Variants in FREM2 observed in about 807,000 individuals in gnomAD.
The protein encoded by FREM2 is FRAS1 related extracellular matrix 2, also known as FRAS1-related extracellular matrix protein 2.
FREM2 carries 119 observed loss-of-function variants against 219.9 expected under a neutral mutation model. The ratio of observed to expected loss-of-function variants is 0.54; its 90% CI spans 0.47 to 0.63. The LOEUF (loss-of-function observed/expected upper bound fraction) is 0.63. Ranked by LOEUF, FREM2 falls within the 30% of genes least tolerant of loss-of-function variation. The pLI, the probability that FREM2 is intolerant of heterozygous loss-of-function variation, is 0.00. For synonymous variants in FREM2, 1,562 were observed against 1,522.8 expected, an observed-to-expected ratio of 1.03 and a Z score of -0.60; for missense variants, 4,030 against 3,993.6, an observed-to-expected ratio of 1.01 and a Z score of -0.25.
chr13:38,778,896 G>T lies in FREM2; in HGVS notation c.5642-4174G>T, dbSNP rs142412301. 5.8e-3 allele frequency among the ~76,000 whole-genome samples: 883 copies of T among 152,120 alleles called. 9 individuals are homozygous for T. Among genetic ancestry groups the T allele is most frequent in the African/African-American group, 0.02 (832 of 41,494 alleles). On this transcript the variant is annotated intron_variant, in intron 4 of 23. Transcript: ENST00000280481. ...AGACTGCCAAAATCTAGGTGATACC[G>T]GAGCACATTTCCATAAGTTAATGAA...
At chr13:38,845,076 C>T (rs771171583) in intron 6 of FREM2, among the ~76,000 whole-genome samples, 11 of 152,064 alleles carry the variant, frequency 7.2e-5, no homozygotes, top group South Asian at 4.1e-4. Context: ...TTATCACCCC[C>T]GAACCAAAAT....
chr13:38,855,985 C>T (rs1320679505), intron 11 of FREM2, 141 bp from the exon 12 acceptor site: 1 of 578,088 alleles, frequency 1.7e-6, no homozygotes, highest in Admixed American at 3.2e-5. Context: ...TTTCATTTTA[C>T]ACACACACCC....
intron 22 of FREM2, among the ~76,000 whole-genome samples, 184 bp downstream of exon 22, chr13:38,878,505 C>A (rs1237077064): frequency 6.6e-6 from 1 of 150,912 alleles, no homozygotes; most frequent in Non-Finnish European, 1.5e-5. Context: ...TAGTGAGACC[C>A]CATCTCTACA....
chr13:38,759,217 C>A (rs1483844172), intron 2 of FREM2, among the ~76,000 whole-genome samples: 2 of 152,020 alleles, frequency 1.3e-5, no homozygotes, highest in African/African-American at 4.8e-5. Context: ...TTATTCTGGG[C>A]AAATGAGATT....
At chr13:38,828,543 AC>A (rs1380772343) in intron 6 of FREM2, among the ~76,000 whole-genome samples, 2 of 151,968 alleles carry the variant, frequency 1.3e-5, no homozygotes, top group Non-Finnish European at 2.9e-5. Context: ...CCCCAGCTAT[AC>A]AAAAATAAAA....
chr13:38,695,470 G>T (rs1870071244), intron 1 of FREM2, among the ~76,000 whole-genome samples: 1 of 152,106 alleles, frequency 6.6e-6, no homozygotes, highest in South Asian at 2.1e-4. Context: ...TTGAAGTGAG[G>T]ATTTATTTCA....
intron 3 of FREM2, among the ~76,000 whole-genome samples, chr13:38,766,242 G>A (rs2137811302): frequency 6.6e-6 from 1 of 151,868 alleles, no homozygotes; most frequent in East Asian, 1.9e-4. Context: ...TCTTAAGCTG[G>A]ATGCCAAAAT....
rs755834523 is a variant in FREM2, at chr13:38,689,897, G to A, written c.2553G>A (p.Glu851=). ...GTCACCACATCCTGAGTGAGACAGA[G>A]TTGCACGTGAATGATGTAGACACTG... ...EKGHHILSET[E]LHVNDVDTDV... The change falls in exon 1 of 24, where the codon GAG becomes GAA. Residue 851 remains glutamate, a synonymous_variant. Transcript: ENST00000280481. 1.1e-5 allele frequency: 17 copies of A among 1,614,066 alleles called. No homozygotes were observed. The highest frequency in any genetic ancestry group is 2.7e-5 in the African/African-American group (2 of 74,924).
chr13:38,726,967 G>A (rs971209789), intron 2 of FREM2, among the ~76,000 whole-genome samples: 1 of 152,140 alleles, frequency 6.6e-6, no homozygotes, highest in Admixed American at 6.6e-5. Flanking sequence ...AATTAAATTG[G>A]TTGAAATGAA....
In FREM2 at chr13:38,861,368, A is replaced by C; in HGVS notation, c.7520-63A>C. ...AAAATAATAGCTCCTATTTTCTAAA[A>C]CATTCTTTAGGTATTATTGATTACC... is the stretch of plus-strand genomic sequence containing the variant. On this transcript the variant is annotated intron_variant, in intron 14 of 23. Transcript: ENST00000280481. 3 of 1,548,522 alleles carry C rather than the reference A, an allele frequency of 1.9e-6. No homozygotes were observed. The South Asian group carries it at 3.4e-5, about 17-fold the overall frequency.
chr13:38,732,523 C>T (rs1292254922), intron 2 of FREM2, among the ~76,000 whole-genome samples: 1 of 152,124 alleles, frequency 6.6e-6, no homozygotes, highest in African/African-American at 2.4e-5. Context: ...TTTACTAGCT[C>T]CATATGTGAT....
intron 7 of FREM2, 126 bp from the exon 8 acceptor site, chr13:38,848,335 C>A: frequency 1.3e-6 from 1 of 751,034 alleles, no homozygotes; most frequent in South Asian, 1.5e-5. Context: ...ATGTACTTTT[C>A]TGTAGAGTTA....
intron 2 of FREM2, among the ~76,000 whole-genome samples, chr13:38,723,106 C>T (rs544506570): frequency 3.3e-5 from 5 of 151,722 alleles, no homozygotes; most frequent in Non-Finnish European, 5.9e-5. Flanking sequence ...GTGGTGGTGC[C>T]CACCTGTAAT....
At chr13:38,725,601 A>G (rs148305032) in intron 2 of FREM2, among the ~76,000 whole-genome samples, 1 of 152,308 alleles carries the variant, frequency 6.6e-6, no homozygotes, top group East Asian at 1.9e-4. Context: ...GAACTGAGAA[A>G]AACCCAGTGC....
intron 4 of FREM2, among the ~76,000 whole-genome samples, chr13:38,777,468 A>T (rs1351844172): frequency 6.6e-6 from 1 of 152,196 alleles, no homozygotes; most frequent in African/African-American, 2.4e-5. Context: ...ATCACCACCT[A>T]CCAACCTAAC....
chr13:38,857,828 A>G (rs748620220), intron 12 of FREM2, 47 bp from the exon 13 acceptor site: 10 of 1,537,028 alleles, frequency 6.5e-6, no homozygotes, highest in Non-Finnish European at 9.0e-7. Flanking sequence ...AGAAGCATCA[A>G]AAGTTTAATA....
rs116144150 is a variant in FREM2, at chr13:38,689,035, A to C, written c.1691A>C (p.Asn564Thr). ...GTGGATGACCAGCCACCTGTTCTCAATGCCAACACGGGGCTGACACTGGCA... is the reference window on the plus strand; with the variant it reads ...GTGGATGACCAGCCACCTGTTCTCACTGCCAACACGGGGCTGACACTGGCA... ...VPVDDQPPVL[N>T]ANTGLTLAEG... The change falls in exon 1 of 24, where the codon AAT becomes ACT. Residue 564 changes from asparagine to threonine, a missense_variant. Transcript: ENST00000280481. The C allele has an allele frequency of 6.2e-7, 1 of 1,613,726 alleles. No individual in the cohort carries two copies. The highest frequency in any genetic ancestry group is 1.1e-5 in the South Asian group (1 of 91,066).
At chr13:38,856,071 A>T in intron 11 of FREM2, 55 bp from the exon 12 acceptor site, 2 of 1,314,756 alleles carry the variant, frequency 1.5e-6, no homozygotes, top group Non-Finnish European at 2.1e-6. Context: ...AAAAAAATAG[A>T]AAACTTCTCA....
In FREM2 at chr13:38,690,722, A is replaced by G; in HGVS notation, c.3378A>G (p.Lys1126=). ...ENISPAPGSE[K]SRAGIAISAF... ...TTTCTCCAGCACCAGGCTCTGAGAAATCAAGAGCAGGGATTGCCATAAGTG... is the reference window on the plus strand; with the variant it reads ...TTTCTCCAGCACCAGGCTCTGAGAAGTCAAGAGCAGGGATTGCCATAAGTG... Residue 1126 remains lysine (K), a synonymous_variant, in exon 1 of 24, where the codon AAA becomes AAG. Transcript: ENST00000280481. 2 of 1,614,126 alleles carry G rather than the reference A, an allele frequency of 1.2e-6. No homozygotes were observed.
Sources: gnomAD v4.1 joint callset for allele counts (sites outside exome capture counted in the v4.1 genomes callset) on GRCh38, gnomAD v4.1.1 for gene constraint, MANE v1.5 for transcripts, NCBI Gene and HGNC (gene_info 2026-07-23, HGNC 2026-07-21) for gene names.